Variants in TSC2 observed in about 807,000 individuals in gnomAD.
The protein encoded by TSC2 is tuberin.
A neutral mutation model predicts 202.2 loss-of-function variants in TSC2; 29 were observed. The observed-to-expected ratio is 0.14, with a 90% CI of 0.11 to 0.20. The LOEUF (loss-of-function observed/expected upper bound fraction) is 0.20, where lower values mean the gene tolerates loss of function less well. TSC2 is among the 10% of genes least tolerant of loss of function. The pLI is 1.00. For missense variants in TSC2, 2,429 were observed against 2,420.0 expected, an observed-to-expected ratio of 1.00 and a Z score of -0.08; for synonymous variants, 1,349 against 1,044.0, an observed-to-expected ratio of 1.29 and a Z score of -5.63.
chr16:2,077,405 T>C (rs1409630369), intron 25 of TSC2, 193 bp from the exon 26 acceptor site: 1 of 716,680 alleles, frequency 1.4e-6, no homozygotes, highest in Non-Finnish European at 2.4e-6. Flanking sequence ...CGTATTATCA[T>C]GCATTTTTGT....
Position 2,079,565 on chromosome 16 carries a change from C to G in TSC2, c.3293C>G (p.Pro1098Arg), listed in dbSNP as rs773545852. The change falls in exon 29 of 42, where the codon CCC (proline) becomes CGC (arginine). Residue 1098 changes from proline (P) to arginine (R), a missense_variant. Transcript: ENST00000219476. This position sits in a 1 kb window ranked among gnomAD's most constrained non-coding sequence, Gnocchi z 4.6. ...LQSGPESSSSPGVHVRQTKEA... is the reference protein window; with the variant it reads ...LQSGPESSSSRGVHVRQTKEA... Reference sequence around the variant, plus strand: ...TGGGATTCTCTTCTCAGCTCCAGCCCCGGGGTGCATGTGAGACAGACCAAG... The same window carrying G: ...TGGGATTCTCTTCTCAGCTCCAGCCGCGGGGTGCATGTGAGACAGACCAAG... 1 of 1,610,616 alleles carries G rather than the reference C, an allele frequency of 6.2e-7. No homozygotes were observed. The highest frequency in any genetic ancestry group is 8.5e-7 in the Non-Finnish European group (1 of 1,179,112).
At chr16:2,072,783 A>G (rs980378169) in intron 20 of TSC2, 66 bp from the exon 21 acceptor site, 17 of 1,611,152 alleles carry the variant, frequency 1.1e-5, no homozygotes, top group African/African-American at 2.7e-5. Flanking sequence ...GGGCCTCCCC[A>G]GCCCCTCTGG....
intron 16 of TSC2, 67 bp downstream of exon 16, chr16:2,065,702 C>T (rs1335605703): frequency 1.5e-5 from 21 of 1,403,434 alleles, no homozygotes; most frequent in African/African-American, 4.2e-5. Context: ...GCTGCATCTG[C>T]GTTGTGTTGG....
intron 8 of TSC2, 141 bp from the exon 9 acceptor site, chr16:2,056,964 T>C: frequency 7.3e-7 from 1 of 1,367,668 alleles, no homozygotes; most frequent in East Asian, 2.5e-5. Context: ...CCCTGCTGCC[T>C]CTGTCTTTGG....
In TSC2 at chr16:2,050,413, A is replaced by C. The variant is rs772617064; in HGVS notation, c.152A>C (p.Glu51Ala). 17 of 1,613,764 alleles carry C rather than the reference A, an allele frequency of 1.1e-5. No homozygotes were observed. Among genetic ancestry groups the C allele is most frequent in the Non-Finnish European group, 1.4e-5 (16 of 1,179,942 alleles). The change falls in exon 3 of 42, where the codon GAA becomes GCA. Residue 51 changes from glutamate (E) to alanine (A), a missense_variant. By Grantham distance (107) the Glu-to-Ala change is moderately radical (BLOSUM62 -1). Transcript: ENST00000219476. The stretch of plus-strand genomic sequence containing the variant: ...ATCTCTCTCCAGGAACTGAGCATGG[A>C]ATGTGGCCTCAACAATCGCATCCGG... ...TAEILRELSM[E>A]CGLNNRIRMI...
At position 2,071,449 on chromosome 16, in the gene TSC2, C is replaced by T. The variant is rs1224086980; in HGVS notation, c.1840-61C>T. ...TGGACGTGGGTCTGAGCAGGTGGGA[C>T]GCCGCCTGTCCTGGGCCTGCACGAG... On this transcript the variant is annotated intron_variant, in intron 17 of 41. Transcript: ENST00000219476. 99 of 1,587,812 alleles carry T rather than the reference C, an allele frequency of 6.2e-5. 1 individual carries two copies. Among genetic ancestry groups the T allele is most frequent in the South Asian group, 5.8e-4 (52 of 89,190 alleles).
At chr16:2,055,845 C>T (rs1439875230) in intron 6 of TSC2, 8 of 435,012 alleles carry the variant, frequency 1.8e-5, no homozygotes, top group East Asian at 4.7e-5. Flanking sequence ...GAGCGGAGAT[C>T]GTGCCACTGC....
At chr16:2,067,051 T>C (rs2087486082) in intron 16 of TSC2, among the ~76,000 whole-genome samples, 1 of 152,188 alleles carries the variant, frequency 6.6e-6, no homozygotes, top group South Asian at 2.1e-4. Flanking sequence ...ATCAGTTTGC[T>C]CAAAAGCTCA....
rs904411432 is a variant in TSC2, at chr16:2,088,548, T to G, written c.5362T>G (p.Tyr1788Asp). ...AQTPAEPTPG[Y>D]EVGQRKRLIS... ...GACTCCAGCCGAGCCCACACCTGGC[T>G]ATGAGGTGGGCCAGCGGAAGCGCCT... The change falls in exon 42 of 42, where the codon TAT (tyrosine) becomes GAT (aspartate). Residue 1788 changes from tyrosine (Y) to aspartate (D), a missense_variant. Tyr to Asp is a radical substitution (Grantham distance 160). Coordinates refer to ENST00000219476, the MANE Select transcript of TSC2 (RefSeq NM_000548.5). 1.9e-6 allele frequency: 3 copies of G among 1,611,772 alleles called. No homozygotes were observed. In the African/African-American group the frequency reaches 4.0e-5, roughly 22 times the overall value.
intron 25 of TSC2, 160 bp downstream of exon 25, chr16:2,076,745 CT>C: frequency 1.4e-6 from 1 of 712,220 alleles, no homozygotes. Context: ...GCTAACACCC[CT>C]CAGCCCCTCA....
rs778545519 is a variant in TSC2 at position 2,077,746 on chromosome 16, G to C, written c.2966+20G>C. 1.2e-6 allele frequency: 2 copies of C among 1,610,874 alleles called. No homozygotes were observed. Among genetic ancestry groups the C allele is most frequent in the African/African-American group, 1.3e-5 (1 of 75,054 alleles). On this transcript the variant is annotated intron_variant, in intron 26 of 41. Coordinates refer to ENST00000219476, the MANE Select transcript of TSC2 (RefSeq NM_000548.5). ...CCGCAGGTAGCGGGACTGTCGGGTG[G>C]GGGGCACGGACCCTGGAGCTTGGCC...
chr16:2,076,674 G>C (rs1317504523), intron 25 of TSC2, 89 bp downstream of exon 25: 14 of 1,338,734 alleles, frequency 1.0e-5, no homozygotes, highest in Non-Finnish European at 1.5e-5. Context: ...CCAAGTCAGT[G>C]AGTGGAAATG....
rs766833213 is a variant in TSC2 at position 2,083,621 on chromosome 16, G to C, written c.3884-74G>C. 3 of 1,546,822 alleles carry C rather than the reference G, an allele frequency of 1.9e-6. No homozygotes were observed. In the South Asian group the frequency reaches 3.6e-5, roughly 18 times the overall value. On this transcript the variant is annotated intron_variant, in intron 32 of 41. Coordinates refer to ENST00000219476, the MANE Select transcript of TSC2 (RefSeq NM_000548.5). ...CTGTCCCTCTGGTCAGGAGAAGGCT[G>C]GTTCTCGGAGGCCACGTCAGGGCCA...
In TSC2 at chr16:2,086,709, C is replaced by T. The variant is rs397515086; in HGVS notation, c.4850-23C>T. ...GGCCTCAGCACTGGCCCCACAAACC[C>T]ATCCGGCCCTGCTCACCCTCAGCCG... On this transcript the variant is annotated intron_variant, in intron 37 of 41. Transcript: ENST00000219476. 15 of 1,607,694 alleles carry T rather than the reference C, an allele frequency of 9.3e-6. No individual in the cohort carries two copies. Among genetic ancestry groups the T allele is most frequent in the African/African-American group, 1.3e-5 (1 of 74,882 alleles).
rs1247259128 is a variant in TSC2, at chr16:2,080,271, G to A, written c.3504G>A (p.Lys1168=). Reference sequence around the variant, plus strand: ...CTGCACCAGCCGCGAAACCTGAGAAGGCCTCAGCTGGCACCCGGGTTCCTG... The same window carrying A: ...CTGCACCAGCCGCGAAACCTGAGAAAGCCTCAGCTGGCACCCGGGTTCCTG... ...PRTAPAAKPE[K]ASAGTRVPVQ... The change falls in exon 30 of 42, where the codon AAG becomes AAA. Residue 1168 remains lysine, a synonymous_variant. Transcript: ENST00000219476. The A allele has an allele frequency of 6.2e-7, 1 of 1,613,016 alleles. No homozygotes were observed. The highest frequency in any genetic ancestry group is 2.2e-5 in the East Asian group (1 of 44,888).
At chr16:2,050,017 G>A (rs963930214) in intron 2 of TSC2, among the ~76,000 whole-genome samples, 2 of 149,348 alleles carry the variant, frequency 1.3e-5, no homozygotes, top group African/African-American at 2.5e-5. Context: ...GCGCAGGGGC[G>A]CGATCTCGGC....
chr16:2,063,577 G>A (rs1204206380), intron 14 of TSC2: 5 of 247,402 alleles, frequency 2.0e-5, no homozygotes, highest in Non-Finnish European at 8.0e-6. Flanking sequence ...TAGGCTCTGA[G>A]GCTGTCCCTT....
intron 17 of TSC2, 34 bp downstream of exon 17, chr16:2,070,612 G>A (rs2151283335): frequency 6.2e-7 from 1 of 1,612,558 alleles, no homozygotes; most frequent in Non-Finnish European, 8.5e-7. Context: ...CCAGTTCCTG[G>A]GGGCCCAGCC....
At chr16:2,060,848 G>C (rs377125420) in intron 11 of TSC2, 35 bp downstream of exon 11, 2 of 1,610,516 alleles carry the variant, frequency 1.2e-6, no homozygotes, top group Non-Finnish European at 1.7e-6. Flanking sequence ...GGAGCACCGG[G>C]AACCCAGACA....
Sources: allele counts gnomAD v4.1 joint callset (sites outside exome capture counted in the v4.1 genomes callset), GRCh38; gene constraint gnomAD v4.1.1; non-coding constraint Gnocchi (gnomAD v3.1); transcripts MANE v1.5; gene names NCBI Gene and HGNC (gene_info 2026-07-23, HGNC 2026-07-21).